The following CNTN4 variants were observed in gnomAD, a reference collection of about 807,000 sequenced individuals.
The protein encoded by CNTN4 is contactin-4.
CNTN4 carries 77 observed loss-of-function variants against 122.5 expected under a neutral mutation model. The ratio of observed to expected loss-of-function variants is 0.63; its 90% CI spans 0.52 to 0.76. CNTN4 has a LOEUF of 0.76. Ranked by LOEUF, CNTN4 falls within the 30% of genes least tolerant of loss-of-function variation. The probability of loss-of-function intolerance (pLI) is 0.00; values close to 1 mark genes in which losing one functional copy is unlikely to be tolerated. For synonymous variants in CNTN4, 512 were observed against 447.0 expected (o/e 1.15, Z -1.83); for missense variants, 1,256 against 1,259.1 (o/e 1.00, Z 0.04).
At position 2,800,163 on chromosome 3, in the gene CNTN4, T is replaced by TA. The variant is rs907856737; in HGVS notation, c.359-19314dup. ...TTGGTTCCACATTAATTTTAAGATT[T>TA]AAAAAAAAATGAGAAATGACATCGG... On this transcript the variant is annotated intron_variant, in intron 6 of 24. Coordinates refer to ENST00000418658, the MANE Select transcript of CNTN4 (RefSeq NM_175607.3). Among the ~76,000 whole-genome samples, 464 of 150,966 alleles carry TA rather than the reference T, an allele frequency of 3.1e-3. 3 individuals carry two copies. Among genetic ancestry groups the TA allele is most frequent in the African/African-American group, 0.011 (447 of 41,212 alleles).
At chr3:2,326,364 T>C (rs1692229792) in intron 2 of CNTN4, among the ~76,000 whole-genome samples, 12 of 152,078 alleles carry the variant, frequency 7.9e-5, no homozygotes, top group Admixed American at 7.9e-4. Flanking sequence ...CCTCAGGCCT[T>C]TGAACTTGGA....
intron 4 of CNTN4, among the ~76,000 whole-genome samples, chr3:2,618,508 A>G (rs2081867410): frequency 6.6e-6 from 1 of 152,174 alleles, no homozygotes; most frequent in Admixed American, 6.5e-5. Context: ...GTACATGTAT[A>G]TACACACTCA....
At position 2,590,349 on chromosome 3, in the gene CNTN4, T is replaced by A. The variant is rs538700911; in HGVS notation, c.55+18791T>A. ...TTGGCTCACTGTAACCTACGCCTCC[T>A]GGGTTCAAGCAATTCTCATGCCTCA... is the stretch of plus-strand genomic sequence containing the variant. On this transcript the variant is annotated intron_variant, in intron 4 of 24. Transcript: ENST00000418658. 2.6e-5 allele frequency among the ~76,000 whole-genome samples: 4 copies of A among 152,240 alleles called. No homozygotes were observed. The East Asian group carries it at 5.8e-4, about 22-fold the overall frequency.
intron 3 of CNTN4, among the ~76,000 whole-genome samples, chr3:2,535,530 C>T (rs1575891100): frequency 6.6e-6 from 1 of 152,084 alleles, no homozygotes. Context: ...CTCCACTTGC[C>T]TCTTTAGAGA....
At chr3:2,347,543 G>A (rs1236790951) in intron 3 of CNTN4, among the ~76,000 whole-genome samples, 1 of 149,320 alleles carries the variant, frequency 6.7e-6, no homozygotes, top group Non-Finnish European at 1.5e-5. Context: ...CCTAGTAACT[G>A]GGATTACAGG....
chr3:2,584,439 C>T (rs112147130), intron 4 of CNTN4, among the ~76,000 whole-genome samples: 20,844 of 152,046 alleles, frequency 0.14, 1,838 homozygotes, highest in Middle Eastern at 0.21. Flanking sequence ...CACAGTGGCT[C>T]GTGCCTGTAA....
At chr3:2,810,589 A>G (rs1470173720) in intron 6 of CNTN4, among the ~76,000 whole-genome samples, 1 of 152,054 alleles carries the variant, frequency 6.6e-6, no homozygotes, top group South Asian at 2.1e-4. Flanking sequence ...TCCTTCTTGA[A>G]CTTTCTCAGC....
At chr3:3,050,763 C>CAAA (rs1184756504) in intron 23 of CNTN4, among the ~76,000 whole-genome samples, 4 of 85,002 alleles carry the variant, frequency 4.7e-5, no homozygotes, top group African/African-American at 2.2e-4. Flanking sequence ...AACTCCGTCT[C>CAAA]AAAAAAAAAA....
chr3:2,486,361 T>TA (rs1369766569), intron 3 of CNTN4, among the ~76,000 whole-genome samples: 2 of 152,146 alleles, frequency 1.3e-5, no homozygotes, highest in Non-Finnish European at 2.9e-5. Flanking sequence ...CCAGATACAC[T>TA]ATGATAGTCT....
intron 6 of CNTN4, among the ~76,000 whole-genome samples, chr3:2,791,556 C>G (rs1229912800): frequency 6.6e-6 from 1 of 151,422 alleles, no homozygotes; most frequent in Non-Finnish European, 1.5e-5. Flanking sequence ...GATTTAGAAA[C>G]TGAGCTCTAT....
At chr3:2,869,337 T>C (rs2093759753) in intron 8 of CNTN4, among the ~76,000 whole-genome samples, 2 of 151,382 alleles carry the variant, frequency 1.3e-5, no homozygotes, top group South Asian at 4.2e-4. Context: ...AACTAGGGGG[T>C]AACAGCAGAG....
chr3:2,393,603 G>T (rs1055894058), intron 3 of CNTN4, among the ~76,000 whole-genome samples: 1 of 152,106 alleles, frequency 6.6e-6, no homozygotes, highest in Non-Finnish European at 1.5e-5. Context: ...CAATGTGTGA[G>T]ATTATATAAA....
At chr3:2,255,212 T>C (rs971661205) in intron 2 of CNTN4, among the ~76,000 whole-genome samples, 2 of 151,546 alleles carry the variant, frequency 1.3e-5, no homozygotes, top group African/African-American at 4.9e-5. Context: ...GTGGCATTAT[T>C]TCTGAGGGCT....
intron 3 of CNTN4, among the ~76,000 whole-genome samples, chr3:2,368,868 A>G (rs757866304): frequency 2.6e-5 from 4 of 152,170 alleles, no homozygotes; most frequent in Non-Finnish European, 5.9e-5. Flanking sequence ...GGTGAATTAA[A>G]CTTTCATTGT....
intron 13 of CNTN4, among the ~76,000 whole-genome samples, chr3:2,972,134 G>A (rs1692985169): frequency 6.6e-6 from 1 of 152,030 alleles, no homozygotes; most frequent in South Asian, 2.1e-4. Flanking sequence ...TTTCAACTTT[G>A]TTTCCCTCTG....
At chr3:2,663,509 C>G (rs988518876) in intron 4 of CNTN4, among the ~76,000 whole-genome samples, 1 of 151,970 alleles carries the variant, frequency 6.6e-6, no homozygotes, top group African/African-American at 2.4e-5. Context: ...TCATAAGGGT[C>G]TGAAGTATAG....
intron 2 of CNTN4, among the ~76,000 whole-genome samples, chr3:2,295,685 G>C (rs980023388): frequency 1.3e-5 from 2 of 152,118 alleles, no homozygotes; most frequent in Non-Finnish European, 2.9e-5. Flanking sequence ...AGTTTAATTA[G>C]ATCCCATTTG....
chr3:2,698,088 TG>T (rs755613845), intron 4 of CNTN4, among the ~76,000 whole-genome samples: 6 of 152,210 alleles, frequency 3.9e-5, no homozygotes, highest in Non-Finnish European at 7.3e-5. Context: ...GAAAACGCCG[TG>T]GCTAATCTAT....
chr3:2,211,324 C>T (rs2038606268), intron 2 of CNTN4, among the ~76,000 whole-genome samples: 1 of 152,136 alleles, frequency 6.6e-6, no homozygotes, highest in Admixed American at 6.5e-5. Flanking sequence ...CCATCTCCAG[C>T]ACTGGGGATT....
Sources: gnomAD v4.1 joint callset for allele counts (sites outside exome capture counted in the v4.1 genomes callset) on GRCh38, gnomAD v4.1.1 for gene constraint, MANE v1.5 for transcripts, NCBI Gene and HGNC (gene_info 2026-07-23, HGNC 2026-07-21) for gene names.